The following SAMD5 variants were observed in gnomAD, a reference collection of about 807,000 sequenced individuals.
SAMD5 encodes sterile alpha motif domain-containing protein 5.
A neutral mutation model predicts 11.3 loss-of-function variants in SAMD5; 13 were observed. The ratio of observed to expected loss-of-function variants is 1.15; its 90% CI spans 0.75 to 1.83. The LOEUF (loss-of-function observed/expected upper bound fraction) is 1.83. Ranked by LOEUF, SAMD5 falls within the 40% of genes most tolerant of loss-of-function variation. SAMD5 has a pLI of 0.00. For missense variants in SAMD5, 255 were observed against 239.1 expected (o/e 1.07, Z -0.44); for synonymous variants, 129 against 111.3 (o/e 1.16, Z -1.00).
the SAMD5 span, among the ~76,000 whole-genome samples, chr6:147,830,020 T>A: frequency 2.0e-5 from 3 of 152,210 alleles, no homozygotes; most frequent in East Asian, 3.9e-4. Flanking sequence ...AATCTGTGTG[T>A]GAGAATGCTC....
At chr6:147,796,629 T>C in the SAMD5 span, among the ~76,000 whole-genome samples, 1 of 152,226 alleles carries the variant, frequency 6.6e-6, no homozygotes, top group Non-Finnish European at 1.5e-5. Flanking sequence ...TTGATGGGGA[T>C]GGCATTGAAT....
intron 1 of SAMD5, among the ~76,000 whole-genome samples, chr6:147,657,203 A>G (rs1790583679): frequency 6.6e-6 from 1 of 152,130 alleles, no homozygotes; most frequent in African/African-American, 2.4e-5. Context: ...AAATTAGAAA[A>G]CATACTGATC....
At chr6:147,741,045 T>G (rs866500586), downstream of SAMD5, among the ~76,000 whole-genome samples, 3 of 152,332 alleles carry the variant, frequency 2.0e-5, no homozygotes, top group Middle Eastern at 3.4e-3. Flanking sequence ...ATTCAAGTAT[T>G]CACCATGGAA....
the SAMD5 span, among the ~76,000 whole-genome samples, chr6:147,816,366 TTATA>T: frequency 1.4e-5 from 2 of 139,058 alleles, no homozygotes; most frequent in African/African-American, 2.7e-5. Context: ...TATATGCAGT[TTATA>T]TATATATATA....
At chr6:147,652,287 T>TG (rs1790496679) in intron 1 of SAMD5, among the ~76,000 whole-genome samples, 2 of 152,216 alleles carry the variant, frequency 1.3e-5, no homozygotes, top group Admixed American at 6.5e-5. Context: ...TTTTTTTGTT[T>TG]GTTTGGTTGG....
chr6:147,541,136 G>C (rs1788597358), intron 1 of SAMD5, among the ~76,000 whole-genome samples: 2 of 151,942 alleles, frequency 1.3e-5, no homozygotes, highest in African/African-American at 4.8e-5. Context: ...TTTTAGTAGA[G>C]ACAGGGTTTC....
chr6:147,833,423 C>A, the SAMD5 span, among the ~76,000 whole-genome samples: 1 of 152,076 alleles, frequency 6.6e-6, no homozygotes, highest in Non-Finnish European at 1.5e-5. Context: ...GTATTTCAGA[C>A]AGTAAAAATA....
chr6:147,864,585 T>C, the SAMD5 span, among the ~76,000 whole-genome samples: 11 of 152,180 alleles, frequency 7.2e-5, 1 homozygote, highest in African/African-American at 2.2e-4. Flanking sequence ...CCAGACCTTT[T>C]ACAAAACCTA....
At chr6:147,596,641 A>C (rs930628374) in intron 1 of SAMD5, among the ~76,000 whole-genome samples, 19 of 152,240 alleles carry the variant, frequency 1.2e-4, no homozygotes, top group Admixed American at 9.2e-4. Flanking sequence ...AGCTGTTACC[A>C]AAAACTCTAT....
the SAMD5 span, among the ~76,000 whole-genome samples, chr6:147,874,861 C>T: frequency 1.7e-4 from 26 of 152,002 alleles, no homozygotes; most frequent in African/African-American, 5.5e-4. Flanking sequence ...TGACAAATTA[C>T]GTCTGTGGGA....
the SAMD5 span, among the ~76,000 whole-genome samples, chr6:147,934,860 C>T: frequency 6.6e-6 from 1 of 152,078 alleles, no homozygotes; most frequent in Non-Finnish European, 1.5e-5. Context: ...TGGGATATGT[C>T]AGCTTTTGAG....
At chr6:147,889,689 C>T in the SAMD5 span, among the ~76,000 whole-genome samples, 9 of 152,264 alleles carry the variant, frequency 5.9e-5, no homozygotes, top group South Asian at 6.2e-4. Flanking sequence ...CCAACAATGA[C>T]GGGATTATGA....
intron 1 of SAMD5, among the ~76,000 whole-genome samples, chr6:147,583,420 G>A (rs971679056): frequency 1.1e-4 from 17 of 152,138 alleles, no homozygotes; most frequent in Admixed American, 2.6e-4. Flanking sequence ...TATTTAAAAC[G>A]TATTAAGGAT....
chr6:147,546,257 C>T (rs1403023840), intron 1 of SAMD5, among the ~76,000 whole-genome samples: 14 of 152,000 alleles, frequency 9.2e-5, no homozygotes, highest in African/African-American at 2.9e-4. Flanking sequence ...GGGCTGGGCG[C>T]GGTGGCTCAC....
chr6:147,781,772 GCA>G, the SAMD5 span, among the ~76,000 whole-genome samples: 67,201 of 145,898 alleles, frequency 0.46, 16,403 homozygotes, highest in Non-Finnish European at 0.54. Context: ...ATTTGTGTGC[GCA>G]CACACACACA....
chr6:147,696,072 G>A (rs1190376543), intron 1 of SAMD5, among the ~76,000 whole-genome samples: 4 of 152,142 alleles, frequency 2.6e-5, no homozygotes, highest in Non-Finnish European at 4.4e-5. Context: ...GACAGTTGAT[G>A]TATGTAGTGG....
At chr6:147,632,645 G>T (rs891751830) in intron 1 of SAMD5, among the ~76,000 whole-genome samples, 4 of 152,234 alleles carry the variant, frequency 2.6e-5, no homozygotes, top group Non-Finnish European at 5.9e-5. Flanking sequence ...GCCACAGGGC[G>T]TGGTCCCAGT....
the SAMD5 span, among the ~76,000 whole-genome samples, chr6:147,878,710 A>G: frequency 1.3e-5 from 2 of 151,026 alleles, no homozygotes; most frequent in African/African-American, 4.9e-5. Flanking sequence ...TATATCTAGC[A>G]TATATCTCTG....
chr6:147,563,313 A>C (rs913633059), intron 1 of SAMD5, among the ~76,000 whole-genome samples: 3 of 152,218 alleles, frequency 2.0e-5, no homozygotes, highest in African/African-American at 7.2e-5. Flanking sequence ...TCTTCTTTTA[A>C]AGAGTCTTGA....
Sources: allele counts gnomAD v4.1 joint callset (sites outside exome capture counted in the v4.1 genomes callset), GRCh38; gene constraint gnomAD v4.1.1; transcripts MANE v1.5; gene names NCBI Gene and HGNC (gene_info 2026-07-23, HGNC 2026-07-21).